The following THY1 variants were observed in gnomAD, a reference collection of about 807,000 sequenced individuals.
THY1 encodes thy-1 membrane glycoprotein.
In THY1, 10 loss-of-function variants were observed where a neutral mutation model predicts 14.9. The ratio of observed to expected loss-of-function variants is 0.67; its 90% CI spans 0.41 to 1.14. The LOEUF is 1.14. Among genes scored for constraint, THY1 ranks in the 50% most tolerant of loss-of-function variants. The pLI is 0.00. For synonymous variants in THY1, 80 were observed against 90.0 expected, an observed-to-expected ratio of 0.89 and a Z score of 0.63; for missense variants, 159 against 202.1, an observed-to-expected ratio of 0.79 and a Z score of 1.29.
chr11:119,420,371 C>T lies in THY1; in HGVS notation c.53G>A (p.Arg18Gln), dbSNP rs532831711. The T allele has an allele frequency of 1.6e-5, 26 of 1,611,540 alleles. No homozygotes were observed. The highest frequency in any genetic ancestry group is 6.7e-5 in the East Asian group (3 of 44,860). ...ALLLTVLQVSRGQKVTSLTAC... is the reference protein window; with the variant it reads ...ALLLTVLQVSQGQKVTSLTAC... The stretch of plus-strand genomic sequence containing the variant: ...CGTTAGGCTGGTCACCTTCTGCCCT[C>T]GGGAGACCTGCAAGACTGGCACCAG... The change falls in exon 3 of 4, where the codon CGA becomes CAA. Residue 18 changes from arginine (R) to glutamine (Q), a missense_variant. Arg to Gln is a conservative substitution (Grantham distance 43). Transcript: ENST00000284240.
In THY1 at chr11:119,422,995, T is replaced by C; in HGVS notation, c.-25+118A>G. 2.2e-6 allele frequency: 1 copy of C among 455,318 alleles called. No individual in the cohort carries two copies. The highest frequency in any genetic ancestry group is 1.6e-5 in the South Asian group (1 of 64,494). The allele number at this position is 455,318 out of a possible 1,614,324, so 28.2% of individuals were successfully genotyped here. A position where few individuals can be genotyped will look rare whatever the true frequency, so the allele number is the denominator to read the frequency against. On this transcript the variant is annotated intron_variant, in intron 1 of 3. Transcript: ENST00000284240. This position sits in a 1 kb window ranked among gnomAD's most constrained non-coding sequence, Gnocchi z 7.0. ...GGAAAGCAGGCCCCTCCCTAAGCTC[T>C]GCGCCCTTCTTCCCTGGGCGCCCTC...
rs868606739 is a variant in THY1 at position 119,419,425 on chromosome 11, C to T, written c.469G>A (p.Asp157Asn). The T allele has an allele frequency of 6.2e-7, 1 of 1,614,076 alleles. No individual in the cohort carries two copies. Among genetic ancestry groups the T allele is most frequent in the Non-Finnish European group, 8.5e-7 (1 of 1,179,994 alleles). The part of the protein sequence containing the change: ...LLSLSLLQAT[D>N]FMSL ...CCCACCAGTCACAGGGACATGAAAT[C>T]CGTGGCCTGGAGGAGGGAGAGGGAG... is the stretch of plus-strand genomic sequence containing the variant. Residue 157 changes from aspartate (D) to asparagine (N), a missense_variant, in exon 4 of 4, where the codon GAT becomes AAT. Asp to Asn is a conservative substitution (Grantham distance 23). Coordinates refer to ENST00000284240, the MANE Select transcript of THY1 (RefSeq NM_006288.5).
chr11:119,423,232 CG>C, upstream of THY1: 2 of 382,268 alleles, frequency 5.2e-6, no homozygotes, highest in South Asian at 1.8e-5. Context: ...AGCGGGGAGC[CG>C]GGGGCTCAGC....
At chr11:119,421,801 G>A (rs1419284841) in intron 1 of THY1, 2 of 152,226 alleles carry the variant, frequency 1.3e-5, no homozygotes, top group Non-Finnish European at 2.9e-5. Flanking sequence ...TCGTGTTCCT[G>A]GAGGAGAGAA....
In THY1 at chr11:119,420,086, G is replaced by A. The variant is rs1319557607; in HGVS notation, c.338C>T (p.Pro113Leu). The change falls in exon 3 of 4, where the codon CCA (proline) becomes CTA (leucine). Residue 113 changes from proline (P) to leucine (L), a missense_variant. Coordinates refer to ENST00000284240, the MANE Select transcript of THY1 (RefSeq NM_006288.5). ...TGTGACGTTCTGGGAGGAGATGGGT[G>A]GGGAATGGCCAGAGTGGTGGAGTGC... ...TCALHHSGHS[P>L]PISSQNVTVL... The A allele has an allele frequency of 1.9e-6, 3 of 1,614,146 alleles. No homozygotes were observed. The highest frequency in any genetic ancestry group is 1.7e-6 in the Non-Finnish European group (2 of 1,179,982).
At position 119,419,436 on chromosome 11, in the gene THY1, A is replaced by C; in HGVS notation, c.458T>G (p.Leu153Arg). ...CAGGGACATGAAATCCGTGGCCTGG[A>C]GGAGGGAGAGGGAGAGCAGGAGCAG... ...LLLLLLSLSL[L>R]QATDFMSL Residue 153 changes from leucine (L) to arginine (R), a missense_variant, in exon 4 of 4, where the codon CTC becomes CGC. By Grantham distance (102) the Leu-to-Arg change is moderately radical. Transcript: ENST00000284240. The C allele has an allele frequency of 6.2e-7, 1 of 1,613,952 alleles. No individual in the cohort carries two copies. Among genetic ancestry groups the C allele is most frequent in the Non-Finnish European group, 8.5e-7 (1 of 1,179,970 alleles).
At position 119,418,969 on chromosome 11, in the gene THY1, C is replaced by CGTAT; in HGVS notation, c.*438_*439insATAC. ...AGGACAGACCATGTCCGTGCTAGGC[C>CGTAT]CAGGCACAGCCCAACCACTCCTCAT... On this transcript the variant is annotated 3_prime_UTR_variant, in exon 4 of 4. Coordinates refer to ENST00000284240, the MANE Select transcript of THY1 (RefSeq NM_006288.5). 1 of 305,592 alleles carries CGTAT rather than the reference C, an allele frequency of 3.3e-6. No homozygotes were observed. Among genetic ancestry groups the CGTAT allele is most frequent in the Non-Finnish European group, 6.4e-6 (1 of 155,650 alleles). The allele number at this position is 305,592 out of a possible 1,614,324, so 18.9% of individuals were successfully genotyped here. A position where few individuals can be genotyped will look rare whatever the true frequency, so the allele number is the denominator to read the frequency against.
intron 2 of THY1, 168 bp downstream of exon 2, chr11:119,420,701 C>G (rs1861882686): frequency 2.3e-6 from 2 of 874,894 alleles, no homozygotes; most frequent in Non-Finnish European, 1.8e-6. Context: ...TTTCAAAAAC[C>G]ACCTCAGGCC....
chr11:119,421,867 C>T (rs1352966231), intron 1 of THY1: 1 of 152,298 alleles, frequency 6.6e-6, no homozygotes, highest in East Asian at 1.9e-4. Context: ...ATGTCCAGCT[C>T]TCTGGAGTTC....
At position 119,419,236 on chromosome 11, in the gene THY1, G is replaced by A. The variant is rs565986690; in HGVS notation, c.*172C>T. ...GGTGTGCGGAGAGGGTGAGGTGGCC[G>A]CGTGGACGTGGGTAGATAATCGCAT... is the stretch of plus-strand genomic sequence containing the variant. On this transcript the variant is annotated 3_prime_UTR_variant, in exon 4 of 4. Coordinates refer to ENST00000284240, the MANE Select transcript of THY1 (RefSeq NM_006288.5). 2.9e-5 allele frequency: 20 copies of A among 687,824 alleles called. No homozygotes were observed. The highest frequency in any genetic ancestry group is 1.6e-4 in the South Asian group (10 of 63,962). The allele number at this position is 687,824 out of a possible 1,614,324, so 42.6% of individuals were successfully genotyped here. A position where few individuals can be genotyped will look rare whatever the true frequency, so the allele number is the denominator to read the frequency against.
rs201435287 is a variant in THY1 at position 119,420,856 on chromosome 11, C to T, written c.37+13G>A. On this transcript the variant is annotated intron_variant, in intron 2 of 3. Transcript: ENST00000284240. ...GGGCGCCTGGAGCCCCAGTCCTGCC[C>T]CATGCCGGGTACCTGTTAGCAGGAG... 59 of 1,614,130 alleles carry T rather than the reference C, an allele frequency of 3.7e-5. No homozygotes were observed. Among genetic ancestry groups the T allele is most frequent in the South Asian group, 2.5e-4 (23 of 91,074 alleles).
At position 119,416,746 on chromosome 11, in the gene THY1, T is replaced by G. The variant is rs943004381; in HGVS notation, c.*2662A>C. 2.0e-5 allele frequency among the ~76,000 whole-genome samples: 3 copies of G among 152,222 alleles called. No homozygotes were observed. Among genetic ancestry groups the G allele is most frequent in the Admixed American group, 1.3e-4 (2 of 15,274 alleles). ...TGGTGGGATTACAGGCATGAGCCACTGTGCCCATCTCTGGGTAGGTTTGCG... is the reference window on the plus strand; with the variant it reads ...TGGTGGGATTACAGGCATGAGCCACGGTGCCCATCTCTGGGTAGGTTTGCG... On this transcript the variant is annotated 3_prime_UTR_variant, in exon 4 of 4. Coordinates refer to ENST00000284240, the MANE Select transcript of THY1 (RefSeq NM_006288.5).
Position 119,419,321 on chromosome 11 carries a change from T to G in THY1, c.*87A>C. On this transcript the variant is annotated 3_prime_UTR_variant, in exon 4 of 4. Coordinates refer to ENST00000284240, the MANE Select transcript of THY1 (RefSeq NM_006288.5). ...CCACTTCTCCTCAAGGTTTGAGGGATTGGGGGGAGGGGGTCAGCTGACTCA... is the reference window on the plus strand; with the variant it reads ...CCACTTCTCCTCAAGGTTTGAGGGAGTGGGGGGAGGGGGTCAGCTGACTCA... The G allele has an allele frequency of 3.5e-5, 41 of 1,185,838 alleles. No individual in the cohort carries two copies. The highest frequency in any genetic ancestry group is 6.1e-5 in the African/African-American group (4 of 65,828). The allele number at this position is 1,185,838 out of a possible 1,614,324, so 73.5% of individuals were successfully genotyped here. A position where few individuals can be genotyped will look rare whatever the true frequency, so the allele number is the denominator to read the frequency against.
upstream of THY1, chr11:119,423,267 A>T (rs371894863): frequency 1.8e-5 from 6 of 333,890 alleles, no homozygotes; most frequent in East Asian, 5.9e-4. Context: ...AGATTGGGGG[A>T]GAAAGGACGG....
intron 1 of THY1, 193 bp from the exon 2 acceptor site, chr11:119,421,122 A>T: frequency 1.9e-6 from 1 of 539,662 alleles, no homozygotes. Flanking sequence ...GCAAGGAAGG[A>T]GGGAGAACAA....
chr11:119,423,789 CA>C (rs1419663008), upstream of THY1: 1 of 153,282 alleles, frequency 6.5e-6, no homozygotes, highest in Non-Finnish European at 1.5e-5. Flanking sequence ...CCCAGCCCTT[CA>C]GGGGGCTGCA....
At chr11:119,423,224 C>A, upstream of THY1, 2 of 390,530 alleles carry the variant, frequency 5.1e-6, no homozygotes, top group Non-Finnish European at 5.1e-6. Context: ...AGAGGGGGAG[C>A]GGGGAGCCGG....
intron 1 of THY1, chr11:119,421,552 A>T (rs1161248154): frequency 6.6e-6 from 1 of 152,228 alleles, no homozygotes; most frequent in East Asian, 1.9e-4. Context: ...TATAGCATAC[A>T]CTCCAAAGAT....
intron 1 of THY1, 122 bp from the exon 2 acceptor site, chr11:119,421,051 C>T (rs1418706535): frequency 2.5e-6 from 2 of 811,112 alleles, no homozygotes; most frequent in Non-Finnish European, 4.1e-6. Flanking sequence ...TCCATTCCCC[C>T]TCTCGTCCCT....
Sources: allele counts gnomAD v4.1 joint callset (sites outside exome capture counted in the v4.1 genomes callset), GRCh38; gene constraint gnomAD v4.1.1; non-coding constraint Gnocchi (gnomAD v3.1); transcripts MANE v1.5; gene names NCBI Gene and HGNC (gene_info 2026-07-23, HGNC 2026-07-21).